Variants in FER observed in about 807,000 individuals in gnomAD.
FER encodes FER tyrosine kinase.
In FER, 63 loss-of-function variants were observed where a neutral mutation model predicts 111.0. The observed-to-expected ratio is 0.57, with a 90% confidence interval of 0.46 to 0.70. The LOEUF is 0.70. FER is among the 30% of genes least tolerant of loss of function. The pLI, the probability that FER is intolerant of heterozygous loss-of-function variation, is 0.00. For synonymous variants in FER, 327 were observed against 313.9 expected (o/e 1.04, Z -0.44); for missense variants, 914 against 954.0 (o/e 0.96, Z 0.55).
intron 5 of FER, among the ~76,000 whole-genome samples, chr5:108,866,269 G>C (rs910067663): frequency 2.0e-5 from 3 of 152,160 alleles, no homozygotes; most frequent in Non-Finnish European, 4.4e-5. Context: ...AAAAGGATGA[G>C]TTCATGTCCT....
At chr5:109,136,967 C>T (rs927480689) in intron 17 of FER, among the ~76,000 whole-genome samples, 1 of 152,110 alleles carries the variant, frequency 6.6e-6, no homozygotes, top group Admixed American at 6.6e-5. Context: ...AGCAAAGAAG[C>T]CTTATCCTAA....
chr5:108,854,946 CAAAAAAAAAAAA>C (rs34850507), intron 5 of FER, among the ~76,000 whole-genome samples: 2 of 36,644 alleles, frequency 5.5e-5, no homozygotes, highest in African/African-American at 9.4e-5. Flanking sequence ...GACCCTGTCT[CAAAAAAAAAAAA>C]AAAAAAAAAA....
At chr5:109,049,741 G>T (rs1163685969) in intron 16 of FER, among the ~76,000 whole-genome samples, 2 of 152,124 alleles carry the variant, frequency 1.3e-5, no homozygotes, top group Admixed American at 1.3e-4. Context: ...TTATGTAGCT[G>T]ACATGCAAGT....
intron 13 of FER, among the ~76,000 whole-genome samples, chr5:108,997,473 A>C (rs1445797784): frequency 1.3e-5 from 2 of 151,422 alleles, no homozygotes; most frequent in Non-Finnish European, 2.9e-5. Flanking sequence ...CCAAATATAC[A>C]CTCATGTCAT....
chr5:108,981,595 T>G (rs1236756991), intron 13 of FER, among the ~76,000 whole-genome samples: 1 of 152,090 alleles, frequency 6.6e-6, no homozygotes. Flanking sequence ...TGTAAGGCTT[T>G]AATCAGAAGA....
chr5:108,753,929 A>AT (rs1227430169), intron 1 of FER, among the ~76,000 whole-genome samples: 1 of 152,002 alleles, frequency 6.6e-6, no homozygotes, highest in Non-Finnish European at 1.5e-5. Flanking sequence ...GTTTTCTTAT[A>AT]TTTTTTCCCG....
At chr5:108,908,260 T>C (rs369632635) in intron 10 of FER, among the ~76,000 whole-genome samples, 81 of 152,334 alleles carry the variant, frequency 5.3e-4, no homozygotes, top group African/African-American at 1.9e-3. Context: ...AATGCATGGC[T>C]AATTTGCTGT....
At chr5:109,023,574 C>T (rs1483073099) in intron 13 of FER, among the ~76,000 whole-genome samples, 1 of 152,068 alleles carries the variant, frequency 6.6e-6, no homozygotes, top group Non-Finnish European at 1.5e-5. Flanking sequence ...TCAGTCTCAG[C>T]TTAAATGCCA....
At chr5:109,040,183 A>G (rs1167123510) in intron 14 of FER, among the ~76,000 whole-genome samples, 1 of 152,082 alleles carries the variant, frequency 6.6e-6, no homozygotes, top group Non-Finnish European at 1.5e-5. Context: ...ACTATTGGGT[A>G]TTAAGTCTGG....
intron 16 of FER, among the ~76,000 whole-genome samples, chr5:109,089,739 A>G (rs758800532): frequency 7.9e-5 from 12 of 152,216 alleles, no homozygotes; most frequent in Non-Finnish European, 1.6e-4. Context: ...CATATTTCTC[A>G]GCTTGCAATT....
chr5:108,883,637 A>G (rs1188764609), intron 9 of FER, 119 bp downstream of exon 9: 15 of 920,150 alleles, frequency 1.6e-5, no homozygotes, highest in South Asian at 2.4e-5. Context: ...TATTTTAAGT[A>G]TGAAGTTTTG....
At chr5:108,969,269 G>A (rs1760309119) in intron 13 of FER, among the ~76,000 whole-genome samples, 1 of 152,086 alleles carries the variant, frequency 6.6e-6, no homozygotes, top group African/African-American at 2.4e-5. Context: ...TAGGAAACTG[G>A]AAATCATTGA....
chr5:109,171,168 A>G (rs1354816146), intron 17 of FER, among the ~76,000 whole-genome samples: 1 of 152,204 alleles, frequency 6.6e-6, no homozygotes, highest in Non-Finnish European at 1.5e-5. Context: ...GCTGTCAGCC[A>G]TTATAAAACA....
chr5:108,964,026 T>C (rs747477681), intron 13 of FER, among the ~76,000 whole-genome samples: 2 of 152,198 alleles, frequency 1.3e-5, no homozygotes, highest in Non-Finnish European at 2.9e-5. Flanking sequence ...TTTCCTTAAG[T>C]CTATATCCAT....
At chr5:109,173,378 T>C (rs932419550) in intron 17 of FER, among the ~76,000 whole-genome samples, 2 of 152,216 alleles carry the variant, frequency 1.3e-5, no homozygotes, top group African/African-American at 4.8e-5. Flanking sequence ...TACTCCAATA[T>C]AGTAAATGGA....
At chr5:109,158,825 TCTGCCTTTTCTGC>T (rs1755690616) in intron 17 of FER, among the ~76,000 whole-genome samples, 1 of 152,166 alleles carries the variant, frequency 6.6e-6, no homozygotes, top group Non-Finnish European at 1.5e-5. Flanking sequence ...TTCCTTTCTG[TCTGCCTTTTCTGC>T]CATATCTTAG....
rs1374089624 is a variant in FER, at chr5:108,950,813, A to G, written c.1330-3916A>G. On this transcript the variant is annotated intron_variant, in intron 11 of 19. Transcript: ENST00000281092. ...CATAAAATACACTTTCCTACCTATG[A>G]TTACATTTCCCTTTCACTGCAAATA... Among the ~76,000 whole-genome samples the G allele has an allele frequency of 2.6e-5, 4 of 152,140 alleles. No individual in the cohort carries two copies. The East Asian group carries it at 7.7e-4, about 29-fold the overall frequency.
intron 17 of FER, among the ~76,000 whole-genome samples, chr5:109,120,316 G>T (rs1750806476): frequency 6.6e-6 from 1 of 151,968 alleles, no homozygotes; most frequent in African/African-American, 2.4e-5. Context: ...TCATTCTTCT[G>T]CACATGGATC....
At chr5:109,151,031 G>A (rs184712263) in intron 17 of FER, among the ~76,000 whole-genome samples, 343 of 152,116 alleles carry the variant, frequency 2.3e-3, no homozygotes, top group Non-Finnish European at 4.3e-3. Context: ...TTGTATCTTT[G>A]GCTAGTTTCT....
Sources: allele counts gnomAD v4.1 joint callset (sites outside exome capture counted in the v4.1 genomes callset), GRCh38; gene constraint gnomAD v4.1.1; transcripts MANE v1.5; gene names NCBI Gene and HGNC (gene_info 2026-07-23, HGNC 2026-07-21).